The following PABPC4L variants were observed in gnomAD, a reference collection of about 807,000 sequenced individuals.
The protein encoded by PABPC4L is polyadenylate-binding protein 4-like.
For synonymous variants in PABPC4L, 169 were observed against 164.1 expected, an observed-to-expected ratio of 1.03 and a Z score of -0.23; for missense variants, 452 against 451.4, an observed-to-expected ratio of 1.00 and a Z score of -0.01.
At chr4:134,149,836 C>T in the PABPC4L span, among the ~76,000 whole-genome samples, 5 of 152,010 alleles carry the variant, frequency 3.3e-5, no homozygotes, top group Non-Finnish European at 7.4e-5. Flanking sequence ...CCAATGTAAT[C>T]AATATATCAC....
chr4:133,999,238 T>C, the PABPC4L span, among the ~76,000 whole-genome samples: 1 of 152,078 alleles, frequency 6.6e-6, no homozygotes, highest in Admixed American at 6.6e-5. Context: ...TACACTTTTC[T>C]TTTGTAAATT....
At chr4:134,178,943 G>A in the PABPC4L span, among the ~76,000 whole-genome samples, 3 of 152,002 alleles carry the variant, frequency 2.0e-5, no homozygotes, top group East Asian at 1.9e-4. Flanking sequence ...TGAGAGAGAG[G>A]AAGAGAACTA....
chr4:134,200,962 C>A lies in PABPC4L; in HGVS notation c.58G>T (p.Asp20Tyr), dbSNP rs1326510822. 6.4e-7 allele frequency: 1 copy of A among 1,554,640 alleles called. No individual in the cohort carries two copies. Among genetic ancestry groups the A allele is most frequent in the Admixed American group, 2.0e-5 (1 of 51,198 alleles). Residue 20 changes from aspartate (D) to tyrosine (Y), a missense_variant, in exon 2 of 2, where the codon GAT becomes TAT. By Grantham distance (160) the Asp-to-Tyr change is radical. Transcript: ENST00000421491. Reference protein sequence around the residue: ...ASLYVGDLHADVTEDLLFRKF... With the variant: ...ASLYVGDLHAYVTEDLLFRKF... ...CTGAACAGCAGGTCCTCGGTGACAT[C>A]TGCATGTAAGTCACCCACATACAGG...
chr4:134,059,546 AATT>A, the PABPC4L span, among the ~76,000 whole-genome samples: 2 of 151,410 alleles, frequency 1.3e-5, no homozygotes, highest in African/African-American at 2.4e-5. Context: ...CCTATATACA[AATT>A]ATTATCCTCA....
the PABPC4L span, among the ~76,000 whole-genome samples, chr4:134,012,636 C>T: frequency 2.6e-5 from 4 of 152,304 alleles, no homozygotes; most frequent in South Asian, 8.3e-4. Context: ...GGTGCTGTGA[C>T]TTGGATCGGG....
At chr4:134,096,728 T>C in the PABPC4L span, among the ~76,000 whole-genome samples, 1 of 151,926 alleles carries the variant, frequency 6.6e-6, no homozygotes, top group Admixed American at 6.6e-5. Flanking sequence ...ACAGAGTTTG[T>C]TAGAAACTAA....
chr4:134,117,739 T>TA, the PABPC4L span, among the ~76,000 whole-genome samples: 1 of 151,586 alleles, frequency 6.6e-6, no homozygotes, highest in South Asian at 2.1e-4. Flanking sequence ...CAATATATAT[T>TA]AAAAAATGGC....
the PABPC4L span, among the ~76,000 whole-genome samples, chr4:134,165,870 G>T: frequency 6.6e-6 from 1 of 152,110 alleles, no homozygotes; most frequent in Non-Finnish European, 1.5e-5. Context: ...AATTGCGTTA[G>T]TGACCAACAT....
the PABPC4L span, among the ~76,000 whole-genome samples, chr4:134,131,897 C>G: frequency 6.6e-6 from 1 of 151,664 alleles, no homozygotes; most frequent in East Asian, 1.9e-4. Flanking sequence ...ATTAAGGAAA[C>G]CAGAAATAAA....
chr4:133,978,918 T>C, the PABPC4L span: 1 of 152,168 alleles, frequency 6.6e-6, no homozygotes, highest in Admixed American at 6.5e-5. Context: ...AACAAGACAG[T>C]TTGTCAGTTA....
Position 134,199,796 on chromosome 4 carries a change from C to T in PABPC4L, c.*111G>A, listed in dbSNP as rs1729785580. ...ACGTTTTATCATAAAGTTTACTAAA[C>T]TAAGCACCCATCATGTGGAATATGA... On this transcript the variant is annotated 3_prime_UTR_variant, in exon 2 of 2. Transcript: ENST00000421491. 7.4e-7 allele frequency: 1 copy of T among 1,357,908 alleles called. No homozygotes were observed. Among genetic ancestry groups the T allele is most frequent in the Non-Finnish European group, 9.9e-7 (1 of 1,015,064 alleles). The allele number at this position is 1,357,908 out of a possible 1,614,324, so 84.1% of individuals were successfully genotyped here.
the PABPC4L span, among the ~76,000 whole-genome samples, chr4:134,188,573 C>T: frequency 2.5e-4 from 38 of 152,156 alleles, no homozygotes; most frequent in East Asian, 6.2e-3. Flanking sequence ...TTGCAGAATA[C>T]AAATTCTAGG....
At chr4:134,144,556 C>T in the PABPC4L span, among the ~76,000 whole-genome samples, 1 of 147,166 alleles carries the variant, frequency 6.8e-6, no homozygotes, top group East Asian at 2.1e-4. Context: ...AATGAGCTTT[C>T]TCTAAGCCAT....
the PABPC4L span, among the ~76,000 whole-genome samples, chr4:134,093,621 G>C: frequency 1.3e-5 from 2 of 149,568 alleles, no homozygotes; most frequent in East Asian, 2.0e-4. Flanking sequence ...GCCCAAGCTG[G>C]AGTGCAGTGG....
the PABPC4L span, among the ~76,000 whole-genome samples, chr4:134,074,774 G>A: frequency 6.6e-5 from 10 of 152,094 alleles, no homozygotes; most frequent in Non-Finnish European, 1.3e-4. Flanking sequence ...GAGAGAGGTG[G>A]AAGCAAAAAG....
the PABPC4L span, among the ~76,000 whole-genome samples, chr4:134,169,465 A>G: frequency 6.6e-6 from 1 of 152,106 alleles, no homozygotes; most frequent in Non-Finnish European, 1.5e-5. Flanking sequence ...CAAGAGAAAT[A>G]AATAAAAGGC....
At chr4:134,129,968 G>C in the PABPC4L span, among the ~76,000 whole-genome samples, 2 of 151,708 alleles carry the variant, frequency 1.3e-5, no homozygotes, top group South Asian at 4.2e-4. Flanking sequence ...AGGAGGCTGA[G>C]GCAGGAGAAT....
chr4:133,985,339 A>G, the PABPC4L span, among the ~76,000 whole-genome samples: 1 of 152,010 alleles, frequency 6.6e-6, no homozygotes, highest in East Asian at 1.9e-4. Flanking sequence ...GTACCTATTT[A>G]ATTAGCAAAC....
At chr4:134,153,681 T>C in the PABPC4L span, among the ~76,000 whole-genome samples, 1 of 152,004 alleles carries the variant, frequency 6.6e-6, no homozygotes, top group African/African-American at 2.4e-5. Context: ...AGAGTCTTGA[T>C]CTGTAGTCCA....
Sources: allele counts gnomAD v4.1 joint callset (sites outside exome capture counted in the v4.1 genomes callset), GRCh38; gene constraint gnomAD v4.1.1; transcripts MANE v1.5; gene names NCBI Gene and HGNC (gene_info 2026-07-23, HGNC 2026-07-21).